SLC5A4: variants seen among roughly 807,000 people sequenced by gnomAD.
The protein encoded by SLC5A4 is probable glucose sensor protein SLC5A4.
In SLC5A4, 55 loss-of-function variants were observed where a neutral mutation model predicts 70.3. The observed-to-expected ratio is 0.78, with a 90% CI of 0.63 to 0.98. The LOEUF is 0.98. Among genes scored for constraint, SLC5A4 ranks in the 50% least tolerant of loss-of-function variants. The pLI is 0.00. For missense variants in SLC5A4, 735 were observed against 839.2 expected, an observed-to-expected ratio of 0.88 and a Z score of 1.53; for synonymous variants, 268 against 305.7, an observed-to-expected ratio of 0.88 and a Z score of 1.29.
chr22:32,332,540 T>C, the SLC5A4 span, among the ~76,000 whole-genome samples: 1 of 152,206 alleles, frequency 6.6e-6, no homozygotes, highest in South Asian at 2.1e-4. Flanking sequence ...GGCCTGTCCT[T>C]ATCCTGCGGG....
Position 32,239,126 on chromosome 22 carries a change from G to A in SLC5A4, c.478-36C>T, listed in dbSNP as rs189461140. ...AACAGTCAGGATGAGAAAGAAACAT[G>A]CATTTGAGGCCACTGGCTTCTCTGC... On this transcript the variant is annotated intron_variant, in intron 5 of 14. Coordinates refer to ENST00000266086, the MANE Select transcript of SLC5A4 (RefSeq NM_014227.3). 1.9e-3 allele frequency: 2,876 copies of A among 1,484,814 alleles called. 2 individuals are homozygous for A. The highest frequency in any genetic ancestry group is 2.8e-3 in the Middle Eastern group (16 of 5,812). 92.0% of individuals were successfully genotyped at this position (1,484,814 alleles called of 1,614,324 possible). A position where few individuals can be genotyped will look rare whatever the true frequency, so the allele number is the denominator to read the frequency against.
chr22:32,334,573 C>G, the SLC5A4 span, among the ~76,000 whole-genome samples: 1 of 152,196 alleles, frequency 6.6e-6, no homozygotes, highest in Non-Finnish European at 1.5e-5. Flanking sequence ...TCACCAAAAC[C>G]CCCACCTGAC....
intron 5 of SLC5A4, among the ~76,000 whole-genome samples, chr22:32,245,568 C>A (rs796617856): frequency 6.6e-6 from 1 of 152,118 alleles, no homozygotes; most frequent in Non-Finnish European, 1.5e-5. Context: ...GTCACTAGGC[C>A]GGAGTGCAGT....
At chr22:32,248,878 T>A (rs930350043) in intron 3 of SLC5A4, 76 bp from the exon 4 acceptor site, 4 of 972,442 alleles carry the variant, frequency 4.1e-6, no homozygotes, top group Admixed American at 1.8e-5. Flanking sequence ...CTATGACCTC[T>A]GAGTCTGGAA....
the SLC5A4 span, among the ~76,000 whole-genome samples, chr22:32,277,829 T>C: frequency 5.3e-5 from 8 of 152,206 alleles, no homozygotes. Flanking sequence ...ATTACAGGCG[T>C]GAGCCACCGC....
chr22:32,316,528 C>CTTTT, the SLC5A4 span, among the ~76,000 whole-genome samples: 3 of 150,256 alleles, frequency 2.0e-5, no homozygotes, highest in Non-Finnish European at 4.4e-5. Context: ...AGCATTAGTG[C>CTTTT]TTTTTTTTTA....
chr22:32,272,525 C>T, the SLC5A4 span: 30 of 675,558 alleles, frequency 4.4e-5, 1 homozygote, highest in South Asian at 4.7e-4. Context: ...GAGCAAGACG[C>T]TGAGCCTCGT....
chr22:32,274,206 A>AT, the SLC5A4 span, among the ~76,000 whole-genome samples: 25 of 151,716 alleles, frequency 1.6e-4, no homozygotes, highest in African/African-American at 3.6e-4. Flanking sequence ...AGCCTGGCTA[A>AT]TTTTTTTTGT....
At chr22:32,338,071 A>C in the SLC5A4 span, among the ~76,000 whole-genome samples, 208 of 152,338 alleles carry the variant, frequency 1.4e-3, 1 homozygote, top group African/African-American at 4.8e-3. Flanking sequence ...AATGCAAATT[A>C]GGAAAAATAC....
the SLC5A4 span, among the ~76,000 whole-genome samples, chr22:32,353,119 A>G: frequency 1.4e-4 from 21 of 152,330 alleles, 1 homozygote; most frequent in Admixed American, 9.1e-4. Flanking sequence ...CCCACCCTCC[A>G]AAGTCCAGCC....
At chr22:32,287,775 CT>C in the SLC5A4 span, among the ~76,000 whole-genome samples, 3 of 150,990 alleles carry the variant, frequency 2.0e-5, no homozygotes, top group African/African-American at 7.3e-5. Context: ...ACATAAGCCA[CT>C]GTGCAGAGCC....
chr22:32,351,723 G>A, the SLC5A4 span, among the ~76,000 whole-genome samples: 7 of 69,896 alleles, frequency 1.0e-4, no homozygotes, highest in Non-Finnish European at 1.3e-4. Context: ...GGCGTGGGGG[G>A]AGGGTGGGGG....
At chr22:32,286,464 G>A in the SLC5A4 span, among the ~76,000 whole-genome samples, 1 of 152,198 alleles carries the variant, frequency 6.6e-6, no homozygotes, top group African/African-American at 2.4e-5. Flanking sequence ...ATCACTTTAT[G>A]GAGGAAAGTT....
chr22:32,261,466 G>A, the SLC5A4 span, among the ~76,000 whole-genome samples: 3 of 152,216 alleles, frequency 2.0e-5, no homozygotes, highest in African/African-American at 7.2e-5. Flanking sequence ...CATTCACATG[G>A]CAAGACAGAG....
chr22:32,351,143 A>G, the SLC5A4 span, among the ~76,000 whole-genome samples: 2 of 152,208 alleles, frequency 1.3e-5, no homozygotes, highest in African/African-American at 4.8e-5. Context: ...GAGAAATAAA[A>G]TGAAGGGAAT....
At chr22:32,349,837 T>C in the SLC5A4 span, among the ~76,000 whole-genome samples, 1 of 152,206 alleles carries the variant, frequency 6.6e-6, no homozygotes, top group African/African-American at 2.4e-5. Flanking sequence ...TTTTTCTAAA[T>C]AGTCATTCTA....
the SLC5A4 span, among the ~76,000 whole-genome samples, chr22:32,312,593 C>T: frequency 6.6e-6 from 1 of 152,066 alleles, no homozygotes; most frequent in Non-Finnish European, 1.5e-5. Context: ...AGGACTATCG[C>T]TTGTGGACAG....
chr22:32,310,419 C>T, the SLC5A4 span, among the ~76,000 whole-genome samples: 72 of 152,332 alleles, frequency 4.7e-4, no homozygotes, highest in East Asian at 7.7e-4. Context: ...AAGGCTTCCT[C>T]TGCCTTCCAA....
At chr22:32,332,606 G>T in the SLC5A4 span, among the ~76,000 whole-genome samples, 2 of 152,202 alleles carry the variant, frequency 1.3e-5, no homozygotes, top group African/African-American at 4.8e-5. Context: ...GCCGGAGGCT[G>T]CCCTGGCGTT....
Sources: gnomAD v4.1 joint callset for allele counts (sites outside exome capture counted in the v4.1 genomes callset) on GRCh38, gnomAD v4.1.1 for gene constraint, MANE v1.5 for transcripts, NCBI Gene and HGNC (gene_info 2026-07-23, HGNC 2026-07-21) for gene names.